Variants in PRKACA observed in about 807,000 individuals in gnomAD.
The protein encoded by PRKACA is protein kinase cAMP-activated catalytic subunit alpha.
Under a neutral mutation model 45.8 loss-of-function variants are expected in PRKACA, and 9 were observed. The observed-to-expected ratio is 0.20, with a 90% CI of 0.12 to 0.34. The LOEUF (loss-of-function observed/expected upper bound fraction) is 0.34, where lower values mean the gene tolerates loss of function less well. Among genes scored for constraint, PRKACA ranks in the 10% least tolerant of loss-of-function variants. PRKACA has a pLI of 1.00. For synonymous variants in PRKACA, 160 were observed against 178.6 expected (o/e 0.90, Z 0.83); for missense variants, 238 against 458.6 (o/e 0.52, Z 4.39).
rs1977287784 is a variant in PRKACA at position 14,097,306 on chromosome 19, T to C, written c.765+55A>G. Reference sequence around the variant, plus strand: ...AGGGCTCCCCAGGGAATAGGATGGGTGAGCAGGGAACGGTCTGTTTCTTCC... The same window carrying C: ...AGGGCTCCCCAGGGAATAGGATGGGCGAGCAGGGAACGGTCTGTTTCTTCC... On this transcript the variant is annotated intron_variant, in intron 8 of 9. Coordinates refer to ENST00000308677, the MANE Select transcript of PRKACA (RefSeq NM_002730.4). The surrounding 1 kb of genome is among the most constrained non-coding windows in gnomAD (Gnocchi z 5.4). The C allele has an allele frequency of 6.2e-7, 1 of 1,610,788 alleles. No homozygotes were observed. The highest frequency in any genetic ancestry group is 8.5e-7 in the Non-Finnish European group (1 of 1,177,532).
At chr19:14,114,321 TGGA>T (rs1599352003) in intron 1 of PRKACA, 1 of 853,128 alleles carries the variant, frequency 1.2e-6, no homozygotes, top group Non-Finnish European at 1.9e-6. Context: ...CCACTGGGTG[TGGA>T]GGAGGGACAG....
chr19:14,104,214 G>GTAGTCCCT (rs952155589), intron 3 of PRKACA, among the ~76,000 whole-genome samples: 1 of 151,350 alleles, frequency 6.6e-6, no homozygotes, highest in Non-Finnish European at 1.5e-5. Context: ...GCGGGCGCCT[G>GTAGTCCCT]TAGTCCCTGC....
rs911747329 is a variant in PRKACA at position 14,092,104 on chromosome 19, C to G, written c.*1008G>C. 6.6e-6 allele frequency: 1 copy of G among 152,344 alleles called. No individual in the cohort carries two copies. Among genetic ancestry groups the G allele is most frequent in the African/African-American group, 2.4e-5 (1 of 41,444 alleles). 9.4% of individuals were successfully genotyped at this position (152,344 alleles called of 1,614,324 possible). A position where few individuals can be genotyped will look rare whatever the true frequency, so the allele number is the denominator to read the frequency against. On this transcript the variant is annotated 3_prime_UTR_variant, in exon 10 of 10. Coordinates refer to ENST00000308677, the MANE Select transcript of PRKACA (RefSeq NM_002730.4). ...TTGGGGGGACTTGGCCTCTTCTGTT[C>G]CCTTTTGCAGGGATGCCCTCCCCAC... is the stretch of plus-strand genomic sequence containing the variant.
chr19:14,093,063 AAAAAAAG>A lies in PRKACA; in HGVS notation c.*42_*48del, dbSNP rs141786059. On this transcript the variant is annotated 3_prime_UTR_variant, in exon 10 of 10. Coordinates refer to ENST00000308677, the MANE Select transcript of PRKACA (RefSeq NM_002730.4). ...TCCAACCCTCCCACCCCCCCGACCAAAAAAAAGAAAAAAGAAAAAAGAAAACCCATGG... is the reference window on the plus strand; with the variant it reads ...TCCAACCCTCCCACCCCCCCGACCAAAAAAAAGAAAAAAGAAAACCCATGG... 2.7e-3 allele frequency: 1,252 copies of A among 456,692 alleles called. 12 individuals are homozygous for A. In the East Asian group the frequency reaches 0.054, roughly 20 times the overall value. 28.3% of individuals were successfully genotyped at this position (456,692 alleles called of 1,614,324 possible). A position where few individuals can be genotyped will look rare whatever the true frequency, so the allele number is the denominator to read the frequency against.
At chr19:14,109,362 C>T (rs1011822176) in intron 1 of PRKACA, among the ~76,000 whole-genome samples, 7 of 151,568 alleles carry the variant, frequency 4.6e-5, no homozygotes, top group African/African-American at 1.2e-4. Context: ...GCAGGAGAAT[C>T]GCTTCGACCC....
At chr19:14,107,687 A>G (rs960505969) in intron 1 of PRKACA, 2 of 1,258,756 alleles carry the variant, frequency 1.6e-6, no homozygotes, top group Non-Finnish European at 2.0e-6. Context: ...AGACCAGCCC[A>G]CCCCCACTCG....
At chr19:14,116,068 C>A (rs926567057) in intron 1 of PRKACA, among the ~76,000 whole-genome samples, 2 of 152,172 alleles carry the variant, frequency 1.3e-5, no homozygotes, top group African/African-American at 4.8e-5. Context: ...GAATAAAGTT[C>A]CCTGGCTTTC....
At chr19:14,114,180 CG>C (rs1967055513) in intron 1 of PRKACA, 1 of 1,608,568 alleles carries the variant, frequency 6.2e-7, no homozygotes, top group Non-Finnish European at 8.5e-7. Context: ...CTCAGGGCAC[CG>C]GCACTACGGT....
intron 1 of PRKACA, among the ~76,000 whole-genome samples, chr19:14,108,926 C>A (rs1031943849): frequency 6.6e-6 from 1 of 150,844 alleles, no homozygotes; most frequent in Non-Finnish European, 1.5e-5. Context: ...CAGGGTTTTG[C>A]CATGTTGGCT....
intron 8 of PRKACA, chr19:14,096,727 G>A (rs1265619388): frequency 1.2e-5 from 2 of 165,558 alleles, no homozygotes; most frequent in East Asian, 1.7e-4. Flanking sequence ...ACTCACCAAA[G>A]TGTGATCTTG....
At chr19:14,100,767 G>A (rs577957595) in intron 5 of PRKACA, 59 bp downstream of exon 5, 46 of 1,535,696 alleles carry the variant, frequency 3.0e-5, no homozygotes, top group South Asian at 2.8e-4. Context: ...GGGCTTGGTC[G>A]TGCACTGCCA....
intron 9 of PRKACA, 61 bp downstream of exon 9, chr19:14,093,567 G>C: frequency 6.5e-7 from 1 of 1,546,544 alleles, no homozygotes; most frequent in South Asian, 1.2e-5. Flanking sequence ...TCTATTGGCT[G>C]TCCTCCCTGA....
intron 5 of PRKACA, chr19:14,098,392 G>C (rs1398148287): frequency 6.1e-6 from 1 of 164,730 alleles, no homozygotes; most frequent in East Asian, 1.7e-4. Context: ...AAGATCGCTT[G>C]AGCCCAGGAG....
At chr19:14,095,242 C>G (rs2145744651) in intron 8 of PRKACA, among the ~76,000 whole-genome samples, 1 of 151,234 alleles carries the variant, frequency 6.6e-6, no homozygotes. Context: ...ACAATCTCAG[C>G]TCACTGCAAC....
intron 3 of PRKACA, among the ~76,000 whole-genome samples, chr19:14,103,891 C>T (rs1568533761): frequency 1.3e-5 from 2 of 151,628 alleles, no homozygotes; most frequent in Non-Finnish European, 2.9e-5. Flanking sequence ...TGTAGCGAGA[C>T]CCCATCTCTA....
chr19:14,109,999 T>TACATAC (rs1966920581), intron 1 of PRKACA, among the ~76,000 whole-genome samples: 1 of 55,466 alleles, frequency 1.8e-5, no homozygotes, highest in African/African-American at 1.0e-4. Flanking sequence ...TATATATATA[T>TACATAC]ACACACACAC....
Position 14,097,415 on chromosome 19 carries a change from C to T in PRKACA, c.711G>A (p.Pro237=), listed in dbSNP as rs137911238. The change falls in exon 8 of 10, where the codon CCG becomes CCA. Residue 237 remains proline, a synonymous_variant. Transcript: ENST00000308677. This position sits in a 1 kb window ranked among gnomAD's most constrained non-coding sequence, Gnocchi z 5.4. The part of the protein sequence containing the change: ...VLIYEMAAGY[P]PFFADQPIQI... ...GGATGGGCTGGTCTGCGAAGAAGGG[C>T]GGGTAGCCAGCGGCCATTTCATAGA... is the stretch of plus-strand genomic sequence containing the variant. The T allele has an allele frequency of 2.5e-4, 405 of 1,613,950 alleles. No homozygotes were observed. The highest frequency in any genetic ancestry group is 3.3e-4 in the Non-Finnish European group (389 of 1,180,040).
At chr19:14,093,873 G>A (rs957148848) in intron 8 of PRKACA, 81 bp from the exon 9 acceptor site, 6 of 1,402,562 alleles carry the variant, frequency 4.3e-6, no homozygotes, top group African/African-American at 2.9e-5. Flanking sequence ...TCCATCCAAC[G>A]GTCCTACTGG....
rs1481447467 is a variant in PRKACA at position 14,092,464 on chromosome 19, G to C, written c.*648C>G. On this transcript the variant is annotated 3_prime_UTR_variant, in exon 10 of 10. Coordinates refer to ENST00000308677, the MANE Select transcript of PRKACA (RefSeq NM_002730.4). ...GCGCCTCCCTTTCCAAAGTCAGTCT[G>C]CTTCTCTTTAAAATGGATTTGAGGA... The C allele has an allele frequency of 5.1e-6, 2 of 395,404 alleles. No individual in the cohort carries two copies. The highest frequency in any genetic ancestry group is 4.1e-5 in the African/African-American group (2 of 48,394). The allele number at this position is 395,404 out of a possible 1,614,324, so 24.5% of individuals were successfully genotyped here. A position where few individuals can be genotyped will look rare whatever the true frequency, so the allele number is the denominator to read the frequency against.
Sources: allele counts gnomAD v4.1 joint callset (sites outside exome capture counted in the v4.1 genomes callset), GRCh38; gene constraint gnomAD v4.1.1; non-coding constraint Gnocchi (gnomAD v3.1); transcripts MANE v1.5; gene names NCBI Gene and HGNC (gene_info 2026-07-23, HGNC 2026-07-21).